The following CD3G variants were observed in gnomAD, a reference collection of about 807,000 sequenced individuals.
CD3G encodes CD3 gamma subunit of T-cell receptor complex.
Under a neutral mutation model 28.3 loss-of-function variants are expected in CD3G, and 24 were observed. The ratio of observed to expected loss-of-function variants is 0.85; its 90% CI spans 0.61 to 1.19. The LOEUF (loss-of-function observed/expected upper bound fraction) is 1.19. Among genes scored for constraint, CD3G ranks in the 50% most tolerant of loss-of-function variants. The pLI is 0.00. For missense variants in CD3G, 211 were observed against 210.0 expected (o/e 1.00, Z -0.03); for synonymous variants, 71 against 75.9 (o/e 0.93, Z 0.34).
intron 3 of CD3G, 168 bp downstream of exon 3, chr11:118,350,138 A>T (rs575351420): frequency 1.5e-6 from 1 of 649,834 alleles, no homozygotes; most frequent in East Asian, 2.8e-5. Flanking sequence ...TACTTCCCTC[A>T]CCCTATTGAA....
chr11:118,346,346 A>G (rs887288346), intron 1 of CD3G, among the ~76,000 whole-genome samples: 2 of 152,166 alleles, frequency 1.3e-5, no homozygotes, highest in African/African-American at 2.4e-5. Context: ...CTGAGGCAGG[A>G]GAATTGCTTG....
chr11:118,352,557 T>A, intron 6 of CD3G, 70 bp downstream of exon 6: 2 of 1,034,826 alleles, frequency 1.9e-6, no homozygotes, highest in African/African-American at 1.6e-5. Flanking sequence ...CTTCTAAGTC[T>A]AGCTCCCTTC....
At chr11:118,352,120 G>C (rs1397524703) in intron 5 of CD3G, among the ~76,000 whole-genome samples, 1 of 152,010 alleles carries the variant, frequency 6.6e-6, no homozygotes, top group Non-Finnish European at 1.5e-5. Context: ...GGAGGCTGAG[G>C]CAGGAGGACC....
rs1948429390 is a variant in CD3G, at chr11:118,353,746, G to T, written c.*646G>T. On this transcript the variant is annotated 3_prime_UTR_variant, in exon 7 of 7. Coordinates refer to ENST00000532917, the MANE Select transcript of CD3G (RefSeq NM_000073.3). ...GGGTTTTGCTCTGTTGGCCAAGCTGGTCTCGAACTCCTGACCTCAAGTGAT... is the reference window on the plus strand; with the variant it reads ...GGGTTTTGCTCTGTTGGCCAAGCTGTTCTCGAACTCCTGACCTCAAGTGAT... The T allele has an allele frequency of 1.3e-5, 2 of 151,914 alleles. No homozygotes were observed. Among genetic ancestry groups the T allele is most frequent in the African/African-American group, 4.8e-5 (2 of 41,282 alleles). The allele number at this position is 151,914 out of a possible 1,614,324, so 9.4% of individuals were successfully genotyped here. A position where few individuals can be genotyped will look rare whatever the true frequency, so the allele number is the denominator to read the frequency against.
At chr11:118,350,517 G>T in intron 3 of CD3G, 35 bp from the exon 4 acceptor site, 14 of 1,543,462 alleles carry the variant, frequency 9.1e-6, no homozygotes, top group Non-Finnish European at 1.3e-5. Context: ...AACAACTTTC[G>T]CAACCTGAAG....
rs143129377 is a variant in CD3G, at chr11:118,352,541, CA to C, written c.*18+56del. 10,665 of 1,189,714 alleles carry C rather than the reference CA, an allele frequency of 9.0e-3. 656 individuals carry two copies. The African/African-American group carries it at 0.13, about 15-fold the overall frequency. 73.7% of individuals were successfully genotyped at this position (1,189,714 alleles called of 1,614,324 possible). On this transcript the variant is annotated intron_variant, in intron 6 of 6. Coordinates refer to ENST00000532917, the MANE Select transcript of CD3G (RefSeq NM_000073.3). Reference sequence around the variant, plus strand: ...AGGACCCTTGCATCAACTGCCCTCGCAATTGCTTCTAAGTCTAGCTCCCTTC... The same window carrying C: ...AGGACCCTTGCATCAACTGCCCTCGCATTGCTTCTAAGTCTAGCTCCCTTC...
chr11:118,352,510 T>C, intron 6 of CD3G, 23 bp downstream of exon 6: 1 of 1,491,872 alleles, frequency 6.7e-7, no homozygotes, highest in Non-Finnish European at 9.3e-7. Context: ...ATGCCAATTC[T>C]AATAAAGGAC....
intron 2 of CD3G, chr11:118,349,504 C>A: frequency 1.6e-6 from 1 of 608,604 alleles, no homozygotes; most frequent in Non-Finnish European, 2.9e-6. Flanking sequence ...ACAGCAATGT[C>A]TCTTTTATTC....
Position 118,344,476 on chromosome 11 carries a change from A to T in CD3G, c.53A>T (p.Gln18Leu), listed in dbSNP as rs746667725. Residue 18 changes from glutamine to leucine, a missense_variant and splice_region_variant, in exon 1 of 7, where the codon CAA becomes CTA. By Grantham distance (113) the Gln-to-Leu change is moderately radical. Transcript: ENST00000532917. Reference protein sequence around the residue: ...AVLILAIILLQGTLAQSIKGN... With the variant: ...AVLILAIILLLGTLAQSIKGN... Reference sequence around the variant, plus strand: ...CTCATCCTGGCTATCATTCTTCTTCAAGGTAAGGGCCTACTAGGGGTCTGG... The same window carrying T: ...CTCATCCTGGCTATCATTCTTCTTCTAGGTAAGGGCCTACTAGGGGTCTGG... 1.3e-6 allele frequency: 2 copies of T among 1,565,172 alleles called. No homozygotes were observed. The highest frequency in any genetic ancestry group is 2.4e-5 in the South Asian group (2 of 84,928).
At chr11:118,348,717 C>T (rs545616736) in intron 1 of CD3G, among the ~76,000 whole-genome samples, 8 of 152,288 alleles carry the variant, frequency 5.3e-5, no homozygotes, top group African/African-American at 1.9e-4. Context: ...TGAGTCATTG[C>T]CATGCATAAA....
At chr11:118,349,159 C>T (rs1055814288) in intron 2 of CD3G, 109 bp downstream of exon 2, 17 of 1,609,872 alleles carry the variant, frequency 1.1e-5, no homozygotes, top group South Asian at 7.7e-5. Context: ...AATGAAATGA[C>T]GGGGATAGAG....
intron 1 of CD3G, among the ~76,000 whole-genome samples, chr11:118,347,672 T>G (rs1460904900): frequency 6.6e-6 from 1 of 152,232 alleles, no homozygotes; most frequent in Non-Finnish European, 1.5e-5. Flanking sequence ...ACACCTAGGC[T>G]GGAGTGCAGT....
chr11:118,351,741 T>C (rs879164381), intron 5 of CD3G, 70 bp downstream of exon 5: 1 of 1,432,410 alleles, frequency 7.0e-7, no homozygotes, highest in South Asian at 1.1e-5. Context: ...TTGAGGGGCA[T>C]GTTATTTGGA....
intron 4 of CD3G, among the ~76,000 whole-genome samples, chr11:118,351,185 T>G (rs1214256451): frequency 2.5e-5 from 1 of 39,748 alleles, no homozygotes; most frequent in Non-Finnish European, 5.0e-5. Context: ...AGACTCCGTC[T>G]CAAAAAAAAA....
chr11:118,346,659 T>C (rs1948359579), intron 1 of CD3G, among the ~76,000 whole-genome samples: 1 of 151,436 alleles, frequency 6.6e-6, no homozygotes, highest in Non-Finnish European at 1.5e-5. Context: ...CTACAAAAAC[T>C]ACGAAAATTA....
At chr11:118,349,292 A>G in intron 2 of CD3G, 1 of 1,423,918 alleles carries the variant, frequency 7.0e-7, no homozygotes, top group Non-Finnish European at 9.2e-7. Flanking sequence ...AGCTAGGGAC[A>G]CATCTCAAAC....
In CD3G at chr11:118,350,772, TTG is replaced by T. The variant is rs1239771103; in HGVS notation, c.439+90_439+91del. Reference sequence around the variant, plus strand: ...TATGTACCCAATGGAAGAGACTGAGTTGGTGCTTCTTGCTAGTGTGCATAGTT... The same window carrying T: ...TATGTACCCAATGGAAGAGACTGAGTGTGCTTCTTGCTAGTGTGCATAGTT... On this transcript the variant is annotated intron_variant, in intron 4 of 6. Coordinates refer to ENST00000532917, the MANE Select transcript of CD3G (RefSeq NM_000073.3). 1.9e-6 allele frequency: 3 copies of T among 1,605,010 alleles called. No homozygotes were observed. The African/African-American group carries it at 4.0e-5, about 22-fold the overall frequency.
rs1469577981 is a variant in CD3G at position 118,353,921 on chromosome 11, T to G, written c.*821T>G. On this transcript the variant is annotated 3_prime_UTR_variant, in exon 7 of 7. Transcript: ENST00000532917. ...ACATATTATCCTCCCTTCCCCTATC[T>G]TTTAGACAAATGATATCAAACTATA... 2.6e-5 allele frequency: 4 copies of G among 152,178 alleles called. No homozygotes were observed. Among genetic ancestry groups the G allele is most frequent in the Non-Finnish European group, 5.9e-5 (4 of 68,028 alleles). The allele number at this position is 152,178 out of a possible 1,614,324, so 9.4% of individuals were successfully genotyped here.
intron 4 of CD3G, among the ~76,000 whole-genome samples, chr11:118,351,347 T>C (rs4544037): frequency 0.23 from 34,886 of 151,984 alleles, 4,517 homozygotes; most frequent in East Asian, 0.52. Flanking sequence ...GAAGCCCCTC[T>C]TGTGGTCACT....
Sources: gnomAD v4.1 joint callset for allele counts (sites outside exome capture counted in the v4.1 genomes callset) on GRCh38, gnomAD v4.1.1 for gene constraint, MANE v1.5 for transcripts, NCBI Gene and HGNC (gene_info 2026-07-23, HGNC 2026-07-21) for gene names.